Variants in SLC17A1 observed in about 807,000 individuals in gnomAD.
The protein encoded by SLC17A1 is solute carrier family 17 member 1, also known as sodium-dependent phosphate transport protein 1.
SLC17A1 carries 51 observed loss-of-function variants against 53.5 expected under a neutral mutation model. The ratio of observed to expected loss-of-function variants is 0.95; its 90% CI spans 0.76 to 1.20. SLC17A1 has a LOEUF of 1.20. Ranked by LOEUF, SLC17A1 falls within the 50% of genes most tolerant of loss-of-function variation. The pLI is 0.00. For synonymous variants in SLC17A1, 179 were observed against 198.8 expected (o/e 0.90, Z 0.84); for missense variants, 538 against 568.2 (o/e 0.95, Z 0.54).
At chr6:25,756,037 A>C in the SLC17A1 span, among the ~76,000 whole-genome samples, 1 of 152,172 alleles carries the variant, frequency 6.6e-6, no homozygotes, top group Non-Finnish European at 1.5e-5. Flanking sequence ...CAACACTTGT[A>C]CAGGTGAAGA....
rs1455769740 is a variant in SLC17A1 at position 25,819,568 on chromosome 6, A to G, written c.472T>C (p.Tyr158His). The G allele has an allele frequency of 5.6e-6, 9 of 1,614,058 alleles. No homozygotes were observed. Among genetic ancestry groups the G allele is most frequent in the Non-Finnish European group, 7.6e-6 (9 of 1,180,004 alleles). ...GIVATAQFEI[Y>H]VKWAPPLERG... ...TCCAGGGGAGGAGCCCATTTGACATATATTTCAAACTGGGCTGTTGCAACT... is the reference window on the plus strand; with the variant it reads ...TCCAGGGGAGGAGCCCATTTGACATGTATTTCAAACTGGGCTGTTGCAACT... Residue 158 changes from tyrosine to histidine, a missense_variant, in exon 5 of 13, where the codon TAT becomes CAT. Coordinates refer to ENST00000244527, the MANE Select transcript of SLC17A1 (RefSeq NM_005074.5).
At chr6:25,799,826 G>T (rs1053877772) in intron 11 of SLC17A1, among the ~76,000 whole-genome samples, 3 of 152,188 alleles carry the variant, frequency 2.0e-5, no homozygotes, top group Non-Finnish European at 1.5e-5. Context: ...AAGGCACTAT[G>T]CTCAGAGGGA....
At chr6:25,825,074 C>T (rs192002987) in intron 3 of SLC17A1, among the ~76,000 whole-genome samples, 2 of 151,918 alleles carry the variant, frequency 1.3e-5, no homozygotes, top group East Asian at 3.8e-4. Context: ...TTACATCTTT[C>T]TTCATCCCTT....
intron 8 of SLC17A1, 152 bp downstream of exon 8, chr6:25,812,679 T>C: frequency 1.6e-6 from 1 of 610,236 alleles, no homozygotes; most frequent in South Asian, 2.2e-5. Flanking sequence ...GCAATGTTCA[T>C]AGAAAGAGCA....
the SLC17A1 span, among the ~76,000 whole-genome samples, chr6:25,771,205 G>A: frequency 6.6e-6 from 1 of 152,134 alleles, no homozygotes; most frequent in Non-Finnish European, 1.5e-5. Context: ...GACATTAGAG[G>A]CATCATAACA....
chr6:25,790,731 C>T (rs1244652788), intron 12 of SLC17A1, among the ~76,000 whole-genome samples: 1 of 152,062 alleles, frequency 6.6e-6, no homozygotes, highest in Non-Finnish European at 1.5e-5. Flanking sequence ...AATTAAATGC[C>T]TATTTTAAAT....
At chr6:25,728,738 C>T in the SLC17A1 span, among the ~76,000 whole-genome samples, 1 of 152,138 alleles carries the variant, frequency 6.6e-6, no homozygotes, top group African/African-American at 2.4e-5. Flanking sequence ...CCCTTGAACC[C>T]GGGAGGCGGA....
chr6:25,761,245 T>C, the SLC17A1 span, among the ~76,000 whole-genome samples: 1 of 152,222 alleles, frequency 6.6e-6, no homozygotes, highest in Non-Finnish European at 1.5e-5. Flanking sequence ...GTCACTGTTA[T>C]TGTTGAAAGG....
chr6:25,727,305 A>G, the SLC17A1 span: 3 of 1,572,280 alleles, frequency 1.9e-6, no homozygotes, highest in South Asian at 1.2e-5. Flanking sequence ...CTGCTAAGTA[A>G]ACGTCATTTC....
chr6:25,809,283 T>C (rs1764066902), intron 10 of SLC17A1, among the ~76,000 whole-genome samples: 1 of 151,982 alleles, frequency 6.6e-6, no homozygotes, highest in Non-Finnish European at 1.5e-5. Context: ...AATTACTTAA[T>C]AGGTATGATG....
chr6:25,766,304 T>C, the SLC17A1 span, among the ~76,000 whole-genome samples: 1 of 151,932 alleles, frequency 6.6e-6, no homozygotes, highest in East Asian at 1.9e-4. Context: ...CAAACAAATA[T>C]ATTCTAGTAG....
the SLC17A1 span, among the ~76,000 whole-genome samples, chr6:25,772,270 T>G: frequency 6.6e-6 from 1 of 152,290 alleles, no homozygotes; most frequent in African/African-American, 2.4e-5. Context: ...CACTAAATAT[T>G]TGTTGAATAA....
chr6:25,748,679 C>T, the SLC17A1 span, among the ~76,000 whole-genome samples: 1 of 152,182 alleles, frequency 6.6e-6, no homozygotes, highest in Non-Finnish European at 1.5e-5. Context: ...ACTGTTTTCA[C>T]TGTCTCAGCA....
chr6:25,731,952 A>G, the SLC17A1 span: 4 of 1,599,124 alleles, frequency 2.5e-6, no homozygotes, highest in Non-Finnish European at 3.4e-6. Flanking sequence ...AATGCGCTCA[A>G]AAATGTCACT....
At chr6:25,726,798 T>C in the SLC17A1 span, 21 of 1,347,764 alleles carry the variant, frequency 1.6e-5, no homozygotes, top group East Asian at 4.4e-4. Flanking sequence ...TGGCGAGACT[T>C]GGAGCTGAGG....
chr6:25,770,105 C>T, the SLC17A1 span: 3 of 1,613,976 alleles, frequency 1.9e-6, no homozygotes, highest in Non-Finnish European at 2.5e-6. Flanking sequence ...TCCAGGGAAT[C>T]ATCCTCAGCT....
intron 3 of SLC17A1, 83 bp downstream of exon 3, chr6:25,826,378 A>T: frequency 8.9e-7 from 1 of 1,124,360 alleles, no homozygotes; most frequent in Non-Finnish European, 1.3e-6. Context: ...ATAGTATCAT[A>T]TCAGTACAAT....
chr6:25,771,701 A>G, the SLC17A1 span, among the ~76,000 whole-genome samples: 3,157 of 152,300 alleles, frequency 0.021, 70 homozygotes, highest in African/African-American at 0.056. Flanking sequence ...TTTTGCACCA[A>G]TCTAATATCA....
intron 6 of SLC17A1, among the ~76,000 whole-genome samples, chr6:25,815,852 C>T (rs1000472760): frequency 1.3e-5 from 2 of 151,672 alleles, no homozygotes; most frequent in South Asian, 2.1e-4. Context: ...GATAACTGCC[C>T]GGTAGCAAGG....
Sources: allele counts gnomAD v4.1 joint callset (sites outside exome capture counted in the v4.1 genomes callset), GRCh38; gene constraint gnomAD v4.1.1; transcripts MANE v1.5; gene names NCBI Gene and HGNC (gene_info 2026-07-23, HGNC 2026-07-21).